CTNNA3: variants seen among roughly 807,000 people sequenced by gnomAD.
CTNNA3 encodes catenin alpha 3.
Under a neutral mutation model 95.7 loss-of-function variants are expected in CTNNA3, and 76 were observed. The ratio of observed to expected loss-of-function variants is 0.79; its 90% CI spans 0.66 to 0.96. The LOEUF is 0.96. CTNNA3 is among the 40% of genes least tolerant of loss of function. The pLI is 0.00. For missense variants in CTNNA3, 1,191 were observed against 1,089.8 expected, an observed-to-expected ratio of 1.09 and a Z score of -1.31; for synonymous variants, 431 against 374.4, an observed-to-expected ratio of 1.15 and a Z score of -1.74.
chr10:66,114,200 C>A lies in CTNNA3; in HGVS notation c.1885-10951G>T, dbSNP rs575124241. 2.0e-5 allele frequency among the ~76,000 whole-genome samples: 3 copies of A among 152,044 alleles called. No homozygotes were observed. In the South Asian group the frequency reaches 6.2e-4, roughly 32 times the overall value. ...ACTCTACATATGTGATTTTTTTTAT[C>A]TTATCCTTAGACTAGACAGTAAAAG... On this transcript the variant is annotated intron_variant, in intron 13 of 17. Transcript: ENST00000433211.
At chr10:66,980,397 G>T (rs1850349897) in intron 7 of CTNNA3, among the ~76,000 whole-genome samples, 1 of 152,088 alleles carries the variant, frequency 6.6e-6, no homozygotes, top group Non-Finnish European at 1.5e-5. Flanking sequence ...CCATCTTCTG[G>T]CTCACACAGA....
At chr10:67,081,616 C>T (rs1857058769) in intron 7 of CTNNA3, among the ~76,000 whole-genome samples, 1 of 152,162 alleles carries the variant, frequency 6.6e-6, no homozygotes, top group Non-Finnish European at 1.5e-5. Context: ...TTTTGCTATG[C>T]CTGTATTCTC....
In CTNNA3 at chr10:66,830,673, G is replaced by A. The variant is rs1160189960; in HGVS notation, c.1048-55149C>T. 4.0e-5 allele frequency among the ~76,000 whole-genome samples: 6 copies of A among 151,638 alleles called. No individual in the cohort carries two copies. In the South Asian group the frequency reaches 6.2e-4, roughly 16 times the overall value. ...TGCCCAGGCTGGAGTGCAGTGGTGC[G>A]ATCTCGGCTCACCGCAAGCTCCGCC... On this transcript the variant is annotated intron_variant, in intron 7 of 17. Coordinates refer to ENST00000433211, the MANE Select transcript of CTNNA3 (RefSeq NM_013266.4).
chr10:66,296,904 A>G (rs10822795), intron 12 of CTNNA3, among the ~76,000 whole-genome samples: 34,581 of 152,046 alleles, frequency 0.23, 4,100 homozygotes, highest in Admixed American at 0.29. Context: ...GCTAAATACA[A>G]AGCAGATAAA....
chr10:66,508,659 C>T (rs1840549420), intron 11 of CTNNA3, among the ~76,000 whole-genome samples: 1 of 152,014 alleles, frequency 6.6e-6, no homozygotes, highest in African/African-American at 2.4e-5. Context: ...CTTTATTTTT[C>T]TCTTATTTCA....
At chr10:67,232,046 G>A (rs1865236610) in intron 5 of CTNNA3, among the ~76,000 whole-genome samples, 1 of 152,122 alleles carries the variant, frequency 6.6e-6, no homozygotes, top group Non-Finnish European at 1.5e-5. Flanking sequence ...TGGTGTACCT[G>A]AAAGTGACGG....
intron 3 of CTNNA3, among the ~76,000 whole-genome samples, chr10:67,545,422 C>A (rs567826860): frequency 9.7e-4 from 148 of 152,126 alleles, no homozygotes; most frequent in African/African-American, 3.3e-3. Context: ...AAGGCTTGCT[C>A]CCCAATCTTT....
At chr10:67,097,734 C>A in intron 7 of CTNNA3, 1 of 1,612,646 alleles carries the variant, frequency 6.2e-7, no homozygotes, top group African/African-American at 1.3e-5. Flanking sequence ...AGAGACTGAG[C>A]TGGACCTGAG....
At chr10:66,000,719 A>G (rs1314801007) in intron 15 of CTNNA3, among the ~76,000 whole-genome samples, 2 of 152,162 alleles carry the variant, frequency 1.3e-5, no homozygotes, top group East Asian at 3.9e-4. Context: ...TCTGTTTGCC[A>G]GACACTATAC....
intron 10 of CTNNA3, among the ~76,000 whole-genome samples, chr10:66,589,117 T>C (rs1445467795): frequency 6.6e-6 from 1 of 152,080 alleles, no homozygotes; most frequent in Non-Finnish European, 1.5e-5. Context: ...TTGATTTACA[T>C]TGTGCTTTCT....
chr10:66,693,576 C>T (rs1847642436), intron 9 of CTNNA3, among the ~76,000 whole-genome samples: 2 of 151,686 alleles, frequency 1.3e-5, no homozygotes, highest in African/African-American at 2.4e-5. Flanking sequence ...AACAAGGATA[C>T]CCAGGAATTG....
intron 15 of CTNNA3, among the ~76,000 whole-genome samples, chr10:66,039,407 A>G (rs1036276435): frequency 2.0e-5 from 3 of 152,166 alleles, no homozygotes; most frequent in African/African-American, 4.8e-5. Flanking sequence ...ATATGAAACC[A>G]AAGAATAGCC....
chr10:66,867,660 C>T (rs926321273), intron 7 of CTNNA3, among the ~76,000 whole-genome samples: 5 of 151,994 alleles, frequency 3.3e-5, no homozygotes, highest in Admixed American at 1.3e-4. Context: ...ATAGCTCTCA[C>T]GTCTAAGTTC....
chr10:66,782,439 T>C (rs1840574107), intron 7 of CTNNA3, among the ~76,000 whole-genome samples: 1 of 152,110 alleles, frequency 6.6e-6, no homozygotes, highest in South Asian at 2.1e-4. Context: ...AATCTGAGAC[T>C]CAGCTCAATT....
chr10:67,722,490 G>C (rs116086541), intron 1 of CTNNA3, among the ~76,000 whole-genome samples: 6 of 152,164 alleles, frequency 3.9e-5, no homozygotes, highest in African/African-American at 1.4e-4. Flanking sequence ...ATCTCAAAGA[G>C]AGAAAACAAT....
intron 7 of CTNNA3, among the ~76,000 whole-genome samples, chr10:67,045,652 C>T (rs975287385): frequency 6.6e-6 from 1 of 152,192 alleles, no homozygotes; most frequent in African/African-American, 2.4e-5. Flanking sequence ...AGGGGCACTC[C>T]GCACTGGACC....
chr10:66,528,588 G>T (rs1841351720), intron 10 of CTNNA3, among the ~76,000 whole-genome samples: 8 of 152,038 alleles, frequency 5.3e-5, no homozygotes, highest in Admixed American at 4.6e-4. Context: ...AATAGTTTTG[G>T]GATCCAGCTA....
At chr10:67,466,852 A>G (rs1847614535) in intron 5 of CTNNA3, among the ~76,000 whole-genome samples, 1 of 152,180 alleles carries the variant, frequency 6.6e-6, no homozygotes, top group South Asian at 2.1e-4. Flanking sequence ...ACCTACAAGC[A>G]CTTTAAAAGA....
chr10:66,916,457 G>A (rs572175471), intron 7 of CTNNA3, among the ~76,000 whole-genome samples: 1 of 152,172 alleles, frequency 6.6e-6, no homozygotes, highest in South Asian at 2.1e-4. Context: ...GAAGAGCAAG[G>A]ATGAATGTTT....
Sources: allele counts gnomAD v4.1 joint callset (sites outside exome capture counted in the v4.1 genomes callset), GRCh38; gene constraint gnomAD v4.1.1; transcripts MANE v1.5; gene names NCBI Gene and HGNC (gene_info 2026-07-23, HGNC 2026-07-21).